Variants in DLG2 observed in about 807,000 individuals in gnomAD.
The protein encoded by DLG2 is discs large MAGUK scaffold protein 2.
DLG2 carries 45 observed loss-of-function variants against 132.5 expected under a neutral mutation model. The ratio of observed to expected loss-of-function variants is 0.34; its 90% CI spans 0.27 to 0.44. DLG2 has a LOEUF of 0.44. Ranked by LOEUF, DLG2 falls within the 20% of genes least tolerant of loss-of-function variation. DLG2 has a pLI of 1.00. For missense variants in DLG2, 1,045 were observed against 1,196.9 expected, an observed-to-expected ratio of 0.87 and a Z score of 1.87; for synonymous variants, 424 against 419.6, an observed-to-expected ratio of 1.01 and a Z score of -0.13.
intron 17 of DLG2, among the ~76,000 whole-genome samples, chr11:83,797,134 G>A (rs1332611281): frequency 6.6e-6 from 1 of 151,972 alleles, no homozygotes; most frequent in African/African-American, 2.4e-5. Context: ...GGTGAGAGAG[G>A]GCCTGCACAT....
intron 6 of DLG2, among the ~76,000 whole-genome samples, chr11:84,765,652 T>C (rs1252649616): frequency 6.6e-6 from 1 of 152,090 alleles, no homozygotes; most frequent in East Asian, 1.9e-4. Flanking sequence ...ATAAAAATTA[T>C]TTTGTCATAC....
rs66699053 is a variant in DLG2 at position 83,787,340 on chromosome 11, T to TTTTTTTTTTTTTTTTTTTTTTTTTTG, written c.1723-549_1723-548insCAAAAAAAAAAAAAAAAAAAAAAAAA. On this transcript the variant is annotated intron_variant, in intron 17 of 27. Coordinates refer to ENST00000376104, the MANE Select transcript of DLG2 (RefSeq NM_001142699.3). The stretch of plus-strand genomic sequence containing the variant: ...TTTTTTTTGTTTTTTTTTTTTTTTT[T>TTTTTTTTTTTTTTTTTTTTTTTTTTG]AGACAGAGTCTCGCTCTTTCGCCCA... Among the ~76,000 whole-genome samples the TTTTTTTTTTTTTTTTTTTTTTTTTTG allele has an allele frequency of 2.9e-5, 3 of 102,756 alleles. 1 individual carries two copies. The highest frequency in any genetic ancestry group is 8.4e-5 in the African/African-American group (2 of 23,872). 67.4% of individuals were successfully genotyped at this position (102,756 alleles called of 152,430 possible).
In DLG2 at chr11:84,144,124, A is replaced by G. The variant is rs17146952; in HGVS notation, c.624+19337T>C. Among the ~76,000 whole-genome samples the G allele has an allele frequency of 9.4e-3, 1,425 of 152,264 alleles. 28 individuals carry two copies. Among genetic ancestry groups the G allele is most frequent in the African/African-American group, 0.033 (1,364 of 41,546 alleles). Reference sequence around the variant, plus strand: ...TAAAAATTTCATGACCTGCTATGTAATAGGGTTTTGTTGTTTACTTTCATA... The same window carrying G: ...TAAAAATTTCATGACCTGCTATGTAGTAGGGTTTTGTTGTTTACTTTCATA... On this transcript the variant is annotated intron_variant, in intron 9 of 27. Coordinates refer to ENST00000376104, the MANE Select transcript of DLG2 (RefSeq NM_001142699.3).
At chr11:84,827,493 A>G (rs1463893284) in intron 6 of DLG2, among the ~76,000 whole-genome samples, 1 of 151,658 alleles carries the variant, frequency 6.6e-6, no homozygotes, top group Non-Finnish European at 1.5e-5. Context: ...GGAGGATAAT[A>G]TTGATTGATC....
chr11:85,552,567 T>C (rs764312593), intron 3 of DLG2, among the ~76,000 whole-genome samples: 50 of 151,488 alleles, frequency 3.3e-4, no homozygotes, highest in Middle Eastern at 3.4e-3. Flanking sequence ...AATACAGTTA[T>C]ACTGAAAGAC....
At chr11:84,332,033 T>C (rs370526840) in intron 7 of DLG2, among the ~76,000 whole-genome samples, 4 of 152,226 alleles carry the variant, frequency 2.6e-5, no homozygotes, top group South Asian at 2.1e-4. Context: ...ATTTATTTCA[T>C]CCTCAGAATA....
intron 15 of DLG2, among the ~76,000 whole-genome samples, chr11:83,878,201 C>T (rs1450839754): frequency 6.6e-6 from 1 of 152,168 alleles, no homozygotes. Context: ...CCTACAAAGT[C>T]ATGTGTGCTT....
At chr11:84,108,393 G>A (rs1238960542) in intron 9 of DLG2, among the ~76,000 whole-genome samples, 3 of 152,020 alleles carry the variant, frequency 2.0e-5, no homozygotes, top group Admixed American at 2.0e-4. Context: ...CAAAAAGATG[G>A]TAAAGACAGA....
chr11:84,495,262 T>C (rs895915568), intron 7 of DLG2, among the ~76,000 whole-genome samples: 32 of 152,290 alleles, frequency 2.1e-4, no homozygotes, highest in Admixed American at 3.9e-4. Context: ...TTGGGGTTCC[T>C]GTGCCTAGAT....
At chr11:84,455,341 A>G (rs1406345341) in intron 7 of DLG2, among the ~76,000 whole-genome samples, 3 of 151,380 alleles carry the variant, frequency 2.0e-5, no homozygotes, top group Non-Finnish European at 3.0e-5. Context: ...TCCCAATTCT[A>G]TTTTTCTTTT....
chr11:84,487,160 A>G (rs533979461), intron 7 of DLG2, among the ~76,000 whole-genome samples: 1 of 152,258 alleles, frequency 6.6e-6, no homozygotes, highest in East Asian at 1.9e-4. Flanking sequence ...TTAATCAACA[A>G]TTATTAGTCT....
At chr11:84,264,851 CACTTGGATTTAGCAG>C (rs2097594397) in intron 7 of DLG2, among the ~76,000 whole-genome samples, 1 of 152,134 alleles carries the variant, frequency 6.6e-6, no homozygotes, top group Non-Finnish European at 1.5e-5. Context: ...TCTAGTCCTG[CACTTGGATTTAGCAG>C]ACGAGGCTTC....
intron 11 of DLG2, among the ~76,000 whole-genome samples, chr11:84,051,784 AG>A (rs1463563688): frequency 2.0e-5 from 3 of 151,914 alleles, no homozygotes; most frequent in Non-Finnish European, 4.4e-5. Context: ...ATAAAAAAAA[AG>A]AAAAAAAAAG....
chr11:84,845,533 T>C (rs1452754875), intron 6 of DLG2, among the ~76,000 whole-genome samples: 2 of 152,084 alleles, frequency 1.3e-5, no homozygotes, highest in East Asian at 1.9e-4. Flanking sequence ...CCAGTGAACA[T>C]GTCTATGTCC....
At chr11:84,075,454 A>T (rs1209299065) in intron 10 of DLG2, among the ~76,000 whole-genome samples, 2 of 152,232 alleles carry the variant, frequency 1.3e-5, no homozygotes, top group Non-Finnish European at 2.9e-5. Context: ...TATTCAATGA[A>T]GGAATGAGTG....
At chr11:83,720,328 A>AAAAAAAAAAAAAAAAAAAAAAAAAAAT in intron 18 of DLG2, among the ~76,000 whole-genome samples, 1 of 136,898 alleles carries the variant, frequency 7.3e-6, no homozygotes, top group East Asian at 2.0e-4. Context: ...AAAAAAAAAG[A>AAAAAAAAAAAAAAAAAAAAAAAAAAAT]ATGACATTCA....
chr11:84,041,603 T>C (rs1593814926), intron 11 of DLG2, among the ~76,000 whole-genome samples: 1 of 152,146 alleles, frequency 6.6e-6, no homozygotes, highest in South Asian at 2.1e-4. Context: ...CTCCACTCTA[T>C]GTCTTCCTGT....
chr11:85,069,956 T>G (rs1246581033), intron 6 of DLG2, among the ~76,000 whole-genome samples: 1 of 152,026 alleles, frequency 6.6e-6, no homozygotes, highest in Non-Finnish European at 1.5e-5. Flanking sequence ...ATATACACCA[T>G]GGAATACTAT....
intron 21 of DLG2, among the ~76,000 whole-genome samples, chr11:83,527,855 T>C (rs1355317800): frequency 6.6e-6 from 1 of 152,146 alleles, no homozygotes; most frequent in Non-Finnish European, 1.5e-5. Flanking sequence ...TAGTCATTGA[T>C]TTTTCAGTGC....
Sources: gnomAD v4.1 joint callset for allele counts (sites outside exome capture counted in the v4.1 genomes callset) on GRCh38, gnomAD v4.1.1 for gene constraint, MANE v1.5 for transcripts, NCBI Gene and HGNC (gene_info 2026-07-23, HGNC 2026-07-21) for gene names.